Variants in LARP4 observed in about 807,000 individuals in gnomAD.
LARP4 encodes the protein la-related protein 4.
A neutral mutation model predicts 92.9 loss-of-function variants in LARP4; 29 were observed. That is an observed-to-expected ratio of 0.31 (90% CI 0.23 to 0.43). The LOEUF (loss-of-function observed/expected upper bound fraction) is 0.43, where lower values mean the gene tolerates loss of function less well. LARP4 is among the 20% of genes least tolerant of loss of function. The pLI is 1.00. For missense variants in LARP4, 732 were observed against 860.0 expected (o/e 0.85, Z 1.86); for synonymous variants, 279 against 284.1 (o/e 0.98, Z 0.18).
In LARP4 at chr12:50,430,499, A is replaced by G. The variant is rs377147914; in HGVS notation, c.327A>G (p.Glu109=). The G allele has an allele frequency of 2.2e-5, 35 of 1,592,884 alleles. No homozygotes were observed. In the African/African-American group the frequency reaches 4.6e-4, roughly 21 times the overall value. Reference sequence around the variant, plus strand: ...CCTCTTCTTTTCTACCATCAGGAGAAAGCAATTCAGCAGTTTCTACAGAAG... The same window carrying G: ...CCTCTTCTTTTCTACCATCAGGAGAGAGCAATTCAGCAGTTTCTACAGAAG... ...LSYQIYDVSG[E]SNSAVSTEDL... Residue 109 remains glutamate (E), a synonymous_variant, in exon 4 of 16, where the codon GAA becomes GAG. Coordinates refer to ENST00000398473, the MANE Select transcript of LARP4 (RefSeq NM_052879.5).
At position 50,476,740 on chromosome 12, in the gene LARP4, ACT is replaced by A. The variant is rs1326649171; in HGVS notation, c.*881_*882del. Reference sequence around the variant, plus strand: ...AATTTTTTTTCTTACTCCATTTGTTACTCTCTGTTCTTTGACTGCCCACCCAC... The same window carrying A: ...AATTTTTTTTCTTACTCCATTTGTTACTCTGTTCTTTGACTGCCCACCCAC... On this transcript the variant is annotated 3_prime_UTR_variant, in exon 16 of 16. Transcript: ENST00000398473. 1 of 152,438 alleles carries A rather than the reference ACT, an allele frequency of 6.6e-6. No homozygotes were observed. Among genetic ancestry groups the A allele is most frequent in the Non-Finnish European group, 1.5e-5 (1 of 68,000 alleles). The allele number at this position is 152,438 out of a possible 1,614,324, so 9.4% of individuals were successfully genotyped here.
chr12:50,436,101 G>GGTGTGT (rs141076360), intron 5 of LARP4, among the ~76,000 whole-genome samples: 27 of 134,974 alleles, frequency 2.0e-4, no homozygotes, highest in East Asian at 4.3e-4. Context: ...GTATCCCGCT[G>GGTGTGT]GTGTGTGTGT....
chr12:50,433,269 ATTTTT>A (rs60797979), intron 4 of LARP4, among the ~76,000 whole-genome samples: 4 of 117,280 alleles, frequency 3.4e-5, no homozygotes, highest in East Asian at 2.4e-4. Context: ...CAAAAACGTG[ATTTTT>A]TTTTTTTTTT....
intron 8 of LARP4, among the ~76,000 whole-genome samples, chr12:50,452,774 G>A (rs941017569): frequency 1.3e-5 from 2 of 151,900 alleles, no homozygotes; most frequent in Admixed American, 1.3e-4. Context: ...TTTTTGTTCT[G>A]TGAACGCTGT....
At chr12:50,437,630 C>T (rs529870581) in intron 5 of LARP4, 105 bp from the exon 6 acceptor site, 2 of 626,688 alleles carry the variant, frequency 3.2e-6, no homozygotes, top group South Asian at 4.9e-5. Flanking sequence ...AACCCAGCCT[C>T]TGCAAATTTA....
intron 13 of LARP4, among the ~76,000 whole-genome samples, chr12:50,469,754 G>T (rs1000048544): frequency 6.6e-6 from 1 of 150,466 alleles, no homozygotes; most frequent in Admixed American, 6.6e-5. Context: ...ACTAAAAATA[G>T]AAAAATTAGC....
intron 10 of LARP4, among the ~76,000 whole-genome samples, chr12:50,459,525 G>A (rs545146594): frequency 6.6e-5 from 10 of 151,960 alleles, no homozygotes; most frequent in Non-Finnish European, 1.2e-4. Context: ...GCGTGGTTTT[G>A]CTTCCATTAA....
At chr12:50,456,248 C>T (rs1954220688) in intron 10 of LARP4, among the ~76,000 whole-genome samples, 1 of 152,068 alleles carries the variant, frequency 6.6e-6, no homozygotes, top group Non-Finnish European at 1.5e-5. Flanking sequence ...GGAAGTATAC[C>T]TATGGTTTTG....
intron 4 of LARP4, among the ~76,000 whole-genome samples, chr12:50,431,223 G>A (rs1171954204): frequency 2.0e-5 from 3 of 152,004 alleles, no homozygotes; most frequent in Non-Finnish European, 2.9e-5. Flanking sequence ...AGCTGAGATC[G>A]CACCATTGCG....
chr12:50,423,726 C>T (rs909717318), intron 1 of LARP4, among the ~76,000 whole-genome samples: 24 of 150,636 alleles, frequency 1.6e-4, no homozygotes, highest in Admixed American at 4.6e-4. Context: ...GGGTTACAGG[C>T]GTGAGCCATC....
At chr12:50,467,178 GTGT>G (rs1956255666) in intron 13 of LARP4, 58 bp downstream of exon 13, 3 of 1,382,806 alleles carry the variant, frequency 2.2e-6, no homozygotes, top group Middle Eastern at 2.0e-4. Flanking sequence ...TTTATTTGCA[GTGT>G]TGTTATTTAA....
intron 11 of LARP4, 102 bp from the exon 12 acceptor site, chr12:50,462,476 CAAAA>C: frequency 1.7e-5 from 8 of 465,966 alleles, no homozygotes; most frequent in East Asian, 4.8e-5. Context: ...GACTCCATCT[CAAAA>C]AAAAAAAAAA....
intron 10 of LARP4, among the ~76,000 whole-genome samples, chr12:50,458,256 TTA>T (rs990894613): frequency 1.3e-5 from 2 of 151,970 alleles, no homozygotes; most frequent in African/African-American, 4.8e-5. Context: ...CCTGATAATT[TTA>T]TCTTTGTTTT....
intron 10 of LARP4, among the ~76,000 whole-genome samples, chr12:50,460,139 A>G (rs1027143679): frequency 1.7e-5 from 2 of 120,672 alleles, no homozygotes; most frequent in Non-Finnish European, 3.2e-5. Flanking sequence ...CATCTCACCA[A>G]AAAAAAAAAA....
intron 15 of LARP4, 145 bp downstream of exon 15, chr12:50,474,312 T>C (rs1353597250): frequency 1.6e-6 from 1 of 626,342 alleles, no homozygotes; most frequent in Non-Finnish European, 2.8e-6. Context: ...TAAGGAGTGT[T>C]AGGGTCACTG....
At chr12:50,424,886 C>T (rs1948470952) in intron 1 of LARP4, among the ~76,000 whole-genome samples, 1 of 151,890 alleles carries the variant, frequency 6.6e-6, no homozygotes, top group Non-Finnish European at 1.5e-5. Context: ...GTGGCTCACT[C>T]CTGTAATCCC....
At chr12:50,467,271 A>T in intron 13 of LARP4, 151 bp downstream of exon 13, 1 of 545,588 alleles carries the variant, frequency 1.8e-6, no homozygotes. Flanking sequence ...TGTTTTTTTA[A>T]AGATTCATGA....
At chr12:50,402,488 A>G (rs1265602809) in intron 1 of LARP4, among the ~76,000 whole-genome samples, 1 of 152,156 alleles carries the variant, frequency 6.6e-6, no homozygotes, top group Non-Finnish European at 1.5e-5. Flanking sequence ...CACAGGTTTT[A>G]AGTGTGTGTT....
chr12:50,461,345 C>T lies in LARP4; in HGVS notation c.1332C>T (p.Gly444=). 1 of 1,612,304 alleles carries T rather than the reference C, an allele frequency of 6.2e-7. No individual in the cohort carries two copies. Among genetic ancestry groups the T allele is most frequent in the Non-Finnish European group, 8.5e-7 (1 of 1,179,434 alleles). Residue 444 remains glycine, a splice_region_variant and synonymous_variant, in exon 11 of 16, where the codon GGC becomes GGT. Coordinates refer to ENST00000398473, the MANE Select transcript of LARP4 (RefSeq NM_052879.5). Reference sequence around the variant, plus strand: ...AACAGAATGGGGACTATGGTAGGGGCAGGTAAGAAAATAAAGTACCTGAAA... The same window carrying T: ...AACAGAATGGGGACTATGGTAGGGGTAGGTAAGAAAATAAAGTACCTGAAA... ...QVEQNGDYGR[G]RRTLFRGRRR...
Sources: gnomAD v4.1 joint callset for allele counts (sites outside exome capture counted in the v4.1 genomes callset) on GRCh38, gnomAD v4.1.1 for gene constraint, MANE v1.5 for transcripts, NCBI Gene and HGNC (gene_info 2026-07-23, HGNC 2026-07-21) for gene names.